ABCB5: variants seen among roughly 807,000 people sequenced by gnomAD.
ABCB5 encodes ATP binding cassette subfamily B member 5.
In ABCB5, 155 loss-of-function variants were observed where a neutral mutation model predicts 144.2. The ratio of observed to expected loss-of-function variants is 1.08; its 90% CI spans 0.94 to 1.23. The LOEUF is 1.23. ABCB5 is among the 50% of genes most tolerant of loss of function. ABCB5 has a pLI of 0.00. For missense variants in ABCB5, 1,830 were observed against 1,520.8 expected (o/e 1.20, Z -3.38); for synonymous variants, 610 against 528.6 (o/e 1.15, Z -2.11).
At chr7:20,743,919 A>C (rs1018135191) in intron 25 of ABCB5, among the ~76,000 whole-genome samples, 6 of 151,936 alleles carry the variant, frequency 3.9e-5, no homozygotes, top group Non-Finnish European at 8.8e-5. Context: ...TAAACCTTCC[A>C]CAGTTAGAAC....
intron 16 of ABCB5, among the ~76,000 whole-genome samples, chr7:20,695,142 A>G (rs988026395): frequency 1.3e-5 from 2 of 152,112 alleles, no homozygotes; most frequent in Non-Finnish European, 2.9e-5. Context: ...CAACTACTAT[A>G]TAAAGCTAAT....
Position 20,626,439 on chromosome 7 carries a change from G to C in ABCB5, c.54-118G>C, listed in dbSNP as rs973263463. Reference sequence around the variant, plus strand: ...CATTAAGTTTATTTTTAAAATTTCAGTGTTGGTATAAATTTGCTACCAAGG... The same window carrying C: ...CATTAAGTTTATTTTTAAAATTTCACTGTTGGTATAAATTTGCTACCAAGG... On this transcript the variant is annotated intron_variant, in intron 2 of 27. Transcript: ENST00000404938. 4.1e-6 allele frequency: 3 copies of C among 735,316 alleles called. No homozygotes were observed. In the African/African-American group the frequency reaches 5.4e-5, roughly 13 times the overall value. 45.5% of individuals were successfully genotyped at this position (735,316 alleles called of 1,614,324 possible). A position where few individuals can be genotyped will look rare whatever the true frequency, so the allele number is the denominator to read the frequency against.
chr7:20,728,283 C>G, intron 22 of ABCB5, 32 bp from the exon 23 acceptor site: 1 of 1,607,218 alleles, frequency 6.2e-7, no homozygotes, highest in South Asian at 1.1e-5. Context: ...ATAATTCATG[C>G]CTCATTATTT....
At chr7:20,647,500 C>A in intron 9 of ABCB5, 35 bp from the exon 10 acceptor site, 1 of 1,518,020 alleles carries the variant, frequency 6.6e-7, no homozygotes, top group Non-Finnish European at 8.8e-7. Context: ...TATATAACTG[C>A]AGAAAGATAA....
At chr7:20,628,873 A>C in intron 4 of ABCB5, 35 bp downstream of exon 4, 1 of 1,606,562 alleles carries the variant, frequency 6.2e-7, no homozygotes, top group South Asian at 1.1e-5. Flanking sequence ...ATCACTTAAG[A>C]CACAAAAGCA....
Position 20,669,003 on chromosome 7 carries a change from C to A in ABCB5, c.1707+10327C>A, listed in dbSNP as rs1273477034. 2.3e-4 allele frequency among the ~76,000 whole-genome samples: 31 copies of A among 132,284 alleles called. No individual in the cohort carries two copies. In the East Asian group the frequency reaches 9.0e-3, roughly 38 times the overall value. 86.8% of individuals were successfully genotyped at this position (132,284 alleles called of 152,430 possible). A position where few individuals can be genotyped will look rare whatever the true frequency, so the allele number is the denominator to read the frequency against. On this transcript the variant is annotated intron_variant, in intron 14 of 27. Coordinates refer to ENST00000404938, the MANE Select transcript of ABCB5 (RefSeq NM_001163941.2). The stretch of plus-strand genomic sequence containing the variant: ...GGGGTCAGCCCCCCGCCCGGCCAGC[C>A]GCCCTATCCAGGAGGTGAGGGGCGC...
chr7:20,675,973 T>C (rs1264074123), intron 14 of ABCB5, among the ~76,000 whole-genome samples: 5 of 151,958 alleles, frequency 3.3e-5, no homozygotes, highest in Non-Finnish European at 7.4e-5. Context: ...CAATGAGATA[T>C]CTCACACCTA....
At chr7:20,749,180 C>T (rs1302599225) in intron 26 of ABCB5, among the ~76,000 whole-genome samples, 1 of 136,348 alleles carries the variant, frequency 7.3e-6, no homozygotes, top group Non-Finnish European at 1.6e-5. Context: ...TCCCTCTCTA[C>T]TTCCTTCCTT....
intron 14 of ABCB5, among the ~76,000 whole-genome samples, chr7:20,662,206 A>C (rs1381548840): frequency 6.6e-6 from 1 of 151,370 alleles, no homozygotes; most frequent in Non-Finnish European, 1.5e-5. Flanking sequence ...GTAATTATGA[A>C]GGAAGAGTTA....
Position 20,756,283 on chromosome 7 carries a change from A to G in ABCB5, c.*659A>G, listed in dbSNP as rs1783084543. On this transcript the variant is annotated 3_prime_UTR_variant, in exon 28 of 28. Coordinates refer to ENST00000404938, the MANE Select transcript of ABCB5 (RefSeq NM_001163941.2). Reference sequence around the variant, plus strand: ...GCCATCCCAAAGATTCATTATTCCAAACCTTGGGTTTGGCAGTATAAGTCA... The same window carrying G: ...GCCATCCCAAAGATTCATTATTCCAGACCTTGGGTTTGGCAGTATAAGTCA... 1 of 152,352 alleles carries G rather than the reference A, an allele frequency of 6.6e-6. No individual in the cohort carries two copies. The allele number at this position is 152,352 out of a possible 1,614,324, so 9.4% of individuals were successfully genotyped here. A position where few individuals can be genotyped will look rare whatever the true frequency, so the allele number is the denominator to read the frequency against.
chr7:20,708,669 C>G (rs1269418449), intron 20 of ABCB5, among the ~76,000 whole-genome samples: 2 of 152,114 alleles, frequency 1.3e-5, no homozygotes, highest in East Asian at 3.8e-4. Context: ...ATGAACTTAA[C>G]CATTTACACT....
intron 26 of ABCB5, 144 bp from the exon 27 acceptor site, chr7:20,753,216 C>A: frequency 1.0e-6 from 1 of 994,990 alleles, no homozygotes; most frequent in Non-Finnish European, 1.4e-6. Context: ...TGCAACAAAG[C>A]CCAAGAATAG....
At chr7:20,634,319 T>C (rs1248486739) in intron 5 of ABCB5, among the ~76,000 whole-genome samples, 2 of 151,662 alleles carry the variant, frequency 1.3e-5, no homozygotes, top group African/African-American at 4.8e-5. Context: ...TTAGGTTGAG[T>C]CCATATCTTT....
intron 20 of ABCB5, among the ~76,000 whole-genome samples, chr7:20,715,448 T>C: frequency 6.6e-6 from 1 of 152,106 alleles, no homozygotes; most frequent in Non-Finnish European, 1.5e-5. Flanking sequence ...TCTCACTCTG[T>C]CACCCAAGTT....
At position 20,723,122 on chromosome 7, in the gene ABCB5, G is replaced by C. The variant is rs750206419; in HGVS notation, c.2528G>C (p.Ser843Thr). 8 of 1,614,128 alleles carry C rather than the reference G, an allele frequency of 5.0e-6. No homozygotes were observed. In the South Asian group the frequency reaches 8.8e-5, roughly 18 times the overall value. ...TGGGAGATGACATTCCTGATTCTGA[G>C]TATTGCTCCAGTACTTGCCGTGACA... ...YGWEMTFLIL[S>T]IAPVLAVTGM... The change falls in exon 21 of 28, where the codon AGT (serine) becomes ACT (threonine). Residue 843 changes from serine (S) to threonine (T), a missense_variant. Transcript: ENST00000404938.
chr7:20,669,070 GC>G (rs1785356161), intron 14 of ABCB5, among the ~76,000 whole-genome samples: 17 of 150,254 alleles, frequency 1.1e-4, no homozygotes, highest in African/African-American at 3.9e-4. Context: ...GAGCCCCTCT[GC>G]CTGGCCAGCC....
chr7:20,659,298 T>C, intron 14 of ABCB5: 2 of 1,435,574 alleles, frequency 1.4e-6, no homozygotes, highest in Non-Finnish European at 1.8e-6. Context: ...AACAGTTTTC[T>C]CGATGGCCTG....
In ABCB5 at chr7:20,632,048, C is replaced by T; in HGVS notation, c.260-11C>T. ...TAATTTCCTCTATATTTTAAATAAC[C>T]TTTTTTACAGCAAATTATCAGAACT... On this transcript the variant is annotated splice_polypyrimidine_tract_variant and intron_variant, in intron 4 of 27. Coordinates refer to ENST00000404938, the MANE Select transcript of ABCB5 (RefSeq NM_001163941.2). 1 of 1,492,908 alleles carries T rather than the reference C, an allele frequency of 6.7e-7. No homozygotes were observed. The highest frequency in any genetic ancestry group is 2.5e-5 in the East Asian group (1 of 39,832). The allele number at this position is 1,492,908 out of a possible 1,614,324, so 92.5% of individuals were successfully genotyped here.
chr7:20,670,837 A>T (rs982525519), intron 14 of ABCB5, among the ~76,000 whole-genome samples: 2 of 152,184 alleles, frequency 1.3e-5, no homozygotes, highest in African/African-American at 2.4e-5. Flanking sequence ...TGAACCTGGG[A>T]GGCGGAGGTT....
Sources: allele counts gnomAD v4.1 joint callset (sites outside exome capture counted in the v4.1 genomes callset), GRCh38; gene constraint gnomAD v4.1.1; transcripts MANE v1.5; gene names NCBI Gene and HGNC (gene_info 2026-07-23, HGNC 2026-07-21).